Variants in NSD1 observed in about 807,000 individuals in gnomAD.
NSD1 encodes the protein nuclear receptor binding SET domain protein 1.
A neutral mutation model predicts 242.7 loss-of-function variants in NSD1; 26 were observed. The ratio of observed to expected loss-of-function variants is 0.11; its 90% CI spans 0.08 to 0.15. The LOEUF (loss-of-function observed/expected upper bound fraction) is 0.15. Among genes scored for constraint, NSD1 ranks in the 10% least tolerant of loss-of-function variants. NSD1 has a pLI of 1.00. For synonymous variants in NSD1, 1,106 were observed against 1,178.1 expected (o/e 0.94, Z 1.25); for missense variants, 2,495 against 3,272.8 (o/e 0.76, Z 5.80).
chr5:177,270,408 T>C (rs979517768), intron 16 of NSD1, among the ~76,000 whole-genome samples: 8 of 152,238 alleles, frequency 5.3e-5, no homozygotes, highest in South Asian at 2.1e-4. Context: ...AAGTTTGCTC[T>C]TAGAATACAG....
intron 20 of NSD1, chr5:177,288,531 T>A (rs1356704674): frequency 2.8e-6 from 1 of 356,280 alleles, no homozygotes; most frequent in Non-Finnish European, 5.3e-6. Flanking sequence ...TTAACATATT[T>A]TGAATCTGAA....
intron 3 of NSD1, among the ~76,000 whole-genome samples, chr5:177,203,218 CCTGA>C (rs1762633604): frequency 6.6e-6 from 1 of 151,750 alleles, no homozygotes; most frequent in East Asian, 1.9e-4. Context: ...CATGTGTTGT[CCTGA>C]CTTTCTTTTG....
At chr5:177,147,596 GT>G (rs563484379) in intron 2 of NSD1, among the ~76,000 whole-genome samples, 2 of 146,748 alleles carry the variant, frequency 1.4e-5, no homozygotes, top group Non-Finnish European at 1.5e-5. Context: ...TTTTTTGTTT[GT>G]TTTTTTTTTG....
At position 177,209,972 on chromosome 5, in the gene NSD1, C is replaced by A. The variant is rs1215568879; in HGVS notation, c.1573C>A (p.Arg525=). 1.1e-5 allele frequency: 18 copies of A among 1,614,048 alleles called. No homozygotes were observed. Among genetic ancestry groups the A allele is most frequent in the Non-Finnish European group, 1.5e-5 (18 of 1,180,012 alleles). ...ACAATTTGAAGCACATAAAGATGAA[C>A]GGAGGGGAAAGATTCCAGAGAACCT... ...HIQFEAHKDE[R]RGKIPENLGL... The change falls in exon 5 of 23, where the codon CGG becomes AGG. Residue 525 remains arginine, a synonymous_variant. Coordinates refer to ENST00000439151, the MANE Select transcript of NSD1 (RefSeq NM_022455.5).
At chr5:177,175,936 C>T (rs1460222285) in intron 2 of NSD1, among the ~76,000 whole-genome samples, 3 of 150,982 alleles carry the variant, frequency 2.0e-5, no homozygotes, top group Non-Finnish European at 4.4e-5. Flanking sequence ...AGTGCAGTGG[C>T]GCCATCTCGG....
chr5:177,238,249 T>C lies in NSD1; in HGVS notation c.3934T>C (p.Cys1312Arg). The C allele has an allele frequency of 6.2e-7, 1 of 1,614,212 alleles. No homozygotes were observed. The highest frequency in any genetic ancestry group is 8.5e-7 in the Non-Finnish European group (1 of 1,180,038). Residue 1312 changes from cysteine (C) to arginine (R), a missense_variant, in exon 7 of 23, where the codon TGT becomes CGT. Cys to Arg is a radical substitution (Grantham distance 180). Transcript: ENST00000439151. The surrounding 1 kb of genome is among the most constrained non-coding windows in gnomAD (Gnocchi z 4.6). Reference sequence around the variant, plus strand: ...TTTTTGTTCTTAGGTAAGTTCCCGCTGTGAAGAGGAAAGCCTTCTAGCCCG... The same window carrying C: ...TTTTTGTTCTTAGGTAAGTTCCCGCCGTGAAGAGGAAAGCCTTCTAGCCCG... ...QEQVHKVSSRCEEESLLARGR... is the reference protein window; with the variant it reads ...QEQVHKVSSRREEESLLARGR...
Position 177,295,573 on chromosome 5 carries a change from C to G in NSD1, c.*114C>G. ...AAACACATCTGCCCCGAACACTTTC[C>G]CACTGTTATTCTTTCCTCATATCCC... is the stretch of plus-strand genomic sequence containing the variant. On this transcript the variant is annotated 3_prime_UTR_variant, in exon 23 of 23. Coordinates refer to ENST00000439151, the MANE Select transcript of NSD1 (RefSeq NM_022455.5). The surrounding 1 kb of genome is among the most constrained non-coding windows in gnomAD (Gnocchi z 4.3). 1.8e-6 allele frequency: 2 copies of G among 1,084,768 alleles called. No homozygotes were observed. Among genetic ancestry groups the G allele is most frequent in the South Asian group, 1.3e-5 (1 of 74,184 alleles). The allele number at this position is 1,084,768 out of a possible 1,614,324, so 67.2% of individuals were successfully genotyped here.
chr5:177,237,897 A>G (rs1026087176), intron 6 of NSD1, among the ~76,000 whole-genome samples: 1 of 152,180 alleles, frequency 6.6e-6, no homozygotes, highest in Non-Finnish European at 1.5e-5. Context: ...TTGTGCAACC[A>G]TCTCCACCAT....
At position 177,246,749 on chromosome 5, in the gene NSD1, A is replaced by G. The variant is rs757136840; in HGVS notation, c.4450A>G (p.Lys1484Glu). The G allele has an allele frequency of 4.3e-6, 7 of 1,613,896 alleles. No individual in the cohort carries two copies. In the South Asian group the frequency reaches 6.6e-5, roughly 15 times the overall value. ...QRHAAAKMQC[K>E]KVKNDDSSKE... is the part of the protein sequence containing the mutation. ...GCATGCTGCAGCCAAGATGCAGTGTAAAAAAGTGAAAAATGATGACTCGTC... is the reference window on the plus strand; with the variant it reads ...GCATGCTGCAGCCAAGATGCAGTGTGAAAAAGTGAAAAATGATGACTCGTC... The change falls in exon 10 of 23, where the codon AAA (lysine) becomes GAA (glutamate). Residue 1484 changes from lysine (K) to glutamate (E), a missense_variant. Physicochemically the swap from Lys to Glu is moderately conservative, Grantham distance 56 (BLOSUM62 1). Transcript: ENST00000439151.
At chr5:177,184,481 T>G (rs1760939649) in intron 2 of NSD1, among the ~76,000 whole-genome samples, 1 of 152,218 alleles carries the variant, frequency 6.6e-6, no homozygotes, top group Admixed American at 6.5e-5. Flanking sequence ...TGTTATATTT[T>G]TCTTTTAGAT....
At chr5:177,245,078 T>C (rs1235433506) in intron 9 of NSD1, among the ~76,000 whole-genome samples, 2 of 152,062 alleles carry the variant, frequency 1.3e-5, no homozygotes, top group Non-Finnish European at 2.9e-5. Context: ...GAGCTAGGCA[T>C]GGTGGTGTAT....
At chr5:177,265,149 T>C (rs1757317192) in intron 14 of NSD1, 2 of 760,592 alleles carry the variant, frequency 2.6e-6, no homozygotes, top group Non-Finnish European at 4.8e-6. Context: ...ACTGAAGCAC[T>C]AGCTTGCTCC....
intron 2 of NSD1, among the ~76,000 whole-genome samples, chr5:177,140,366 G>T (rs1007062723): frequency 1.3e-5 from 2 of 152,128 alleles, no homozygotes; most frequent in Non-Finnish European, 2.9e-5. Context: ...GTCAGGTAAT[G>T]GGGCCTAGAA....
At position 177,246,661 on chromosome 5, in the gene NSD1, C is replaced by T; in HGVS notation, c.4379-17C>T. 1.3e-6 allele frequency: 2 copies of T among 1,571,170 alleles called. No individual in the cohort carries two copies. Among genetic ancestry groups the T allele is most frequent in the Non-Finnish European group, 1.8e-6 (2 of 1,141,096 alleles). Reference sequence around the variant, plus strand: ...TGTGTTAGTAGCCAGCAGTTAACACCTATTTTCCTGTCATAGGCACTACCA... The same window carrying T: ...TGTGTTAGTAGCCAGCAGTTAACACTTATTTTCCTGTCATAGGCACTACCA... On this transcript the variant is annotated splice_polypyrimidine_tract_variant and intron_variant, in intron 9 of 22. Coordinates refer to ENST00000439151, the MANE Select transcript of NSD1 (RefSeq NM_022455.5).
chr5:177,141,820 A>G (rs1053069448), intron 2 of NSD1, among the ~76,000 whole-genome samples: 1 of 151,924 alleles, frequency 6.6e-6, no homozygotes, highest in Non-Finnish European at 1.5e-5. Context: ...TTCACCTAAA[A>G]TGTAATATTA....
intron 2 of NSD1, among the ~76,000 whole-genome samples, chr5:177,190,155 A>T (rs1302416293): frequency 6.6e-6 from 1 of 152,090 alleles, no homozygotes; most frequent in East Asian, 1.9e-4. Flanking sequence ...ACTGGGTCTG[A>T]CATGTTGTCC....
chr5:177,248,545 A>C (rs756708944), intron 11 of NSD1, among the ~76,000 whole-genome samples: 1 of 152,210 alleles, frequency 6.6e-6, no homozygotes, highest in African/African-American at 2.4e-5. Context: ...CTTAAGGCCC[A>C]TGAAGGAATA....
Position 177,210,652 on chromosome 5 carries a change from C to T in NSD1, c.2253C>T (p.Leu751=). ...KPQSDFTNDA[L]SPKFNLSSSI... ...AGTCAGATTTTACAAATGATGCTCT[C>T]TCTCCAAAATTCAACCTGTCATCAA... Residue 751 remains leucine (L), a synonymous_variant, in exon 5 of 23, where the codon CTC becomes CTT. Transcript: ENST00000439151. The T allele has an allele frequency of 6.2e-7, 1 of 1,614,158 alleles. No individual in the cohort carries two copies. Among genetic ancestry groups the T allele is most frequent in the African/African-American group, 1.3e-5 (1 of 75,050 alleles).
At chr5:177,214,775 C>T (rs1562217843) in intron 5 of NSD1, among the ~76,000 whole-genome samples, 1 of 151,314 alleles carries the variant, frequency 6.6e-6, no homozygotes, top group Non-Finnish European at 1.5e-5. Context: ...TCTCGGCTCA[C>T]TGCAGCCTCT....
Sources: allele counts gnomAD v4.1 joint callset (sites outside exome capture counted in the v4.1 genomes callset), GRCh38; gene constraint gnomAD v4.1.1; non-coding constraint Gnocchi (gnomAD v3.1); transcripts MANE v1.5; gene names NCBI Gene and HGNC (gene_info 2026-07-23, HGNC 2026-07-21).